DPP10: variants seen among roughly 807,000 people sequenced by gnomAD.
The protein encoded by DPP10 is inactive dipeptidyl peptidase 10.
A neutral mutation model predicts 120.9 loss-of-function variants in DPP10; 33 were observed. That is an observed-to-expected ratio of 0.27 (90% CI 0.21 to 0.37). The LOEUF (loss-of-function observed/expected upper bound fraction) is 0.37. DPP10 is among the 10% of genes least tolerant of loss of function. The pLI is 1.00. For synonymous variants in DPP10, 337 were observed against 326.1 expected (o/e 1.03, Z -0.36); for missense variants, 816 against 942.8 (o/e 0.87, Z 1.76).
chr2:114,631,839 C>T (rs1448577733), intron 1 of DPP10, among the ~76,000 whole-genome samples: 1 of 152,104 alleles, frequency 6.6e-6, no homozygotes, highest in Non-Finnish European at 1.5e-5. Flanking sequence ...CCAAATGTTG[C>T]ACCAGTGTCT....
At chr2:115,840,946 C>T in intron 25 of DPP10, 123 bp downstream of exon 25, 4 of 746,898 alleles carry the variant, frequency 5.4e-6, no homozygotes, top group Non-Finnish European at 8.1e-6. Flanking sequence ...TTTTTAGTTA[C>T]CAAAGATTGT....
intron 1 of DPP10, among the ~76,000 whole-genome samples, chr2:115,016,341 T>C (rs1702634256): frequency 6.6e-6 from 1 of 152,096 alleles, no homozygotes; most frequent in Non-Finnish European, 1.5e-5. Flanking sequence ...TTACACCTCA[T>C]ACATAAATTA....
chr2:115,605,764 C>G (rs2083665783), intron 5 of DPP10, among the ~76,000 whole-genome samples: 1 of 151,932 alleles, frequency 6.6e-6, no homozygotes. Context: ...CTTTTAAGCT[C>G]AAAATCAAAC....
intron 3 of DPP10, among the ~76,000 whole-genome samples, chr2:115,382,591 G>A (rs914273875): frequency 6.6e-6 from 1 of 151,992 alleles, no homozygotes. Flanking sequence ...TCTCTTTCCA[G>A]TGCTATCTCT....
At chr2:115,060,261 C>T (rs973957364) in intron 1 of DPP10, among the ~76,000 whole-genome samples, 1 of 150,412 alleles carries the variant, frequency 6.6e-6, no homozygotes, top group African/African-American at 2.4e-5. Flanking sequence ...ATAATATATG[C>T]ATGTGATAGA....
chr2:115,629,201 A>C (rs911716771), intron 5 of DPP10, among the ~76,000 whole-genome samples: 1 of 152,102 alleles, frequency 6.6e-6, no homozygotes, highest in Admixed American at 6.6e-5. Context: ...ACATTTTCTT[A>C]ATCCAGTCTA....
At position 115,381,976 on chromosome 2, in the gene DPP10, T is replaced by G. The variant is rs537149335; in HGVS notation, c.271+38064T>G. 5.7e-4 allele frequency among the ~76,000 whole-genome samples: 87 copies of G among 152,270 alleles called. No homozygotes were observed. The East Asian group carries it at 7.8e-3, about 14-fold the overall frequency. ...TTCAAAGCTGTCAGACAGGGACATT[T>G]ACGTCTGCAGAGGTTACTGCTGTCT... On this transcript the variant is annotated intron_variant, in intron 3 of 25. Transcript: ENST00000410059.
Position 114,645,848 on chromosome 2 carries a change from C to T in DPP10, c.60+203010C>T, listed in dbSNP as rs555944897. ...TATCTTCTTGACTCCAAATGAACCT[C>T]CAGGCCTTCTTAGAAAAGCTGAAAG... On this transcript the variant is annotated intron_variant, in intron 1 of 25. Coordinates refer to ENST00000410059, the MANE Select transcript of DPP10 (RefSeq NM_020868.6). Among the ~76,000 whole-genome samples the T allele has an allele frequency of 7.2e-5, 11 of 152,230 alleles. No homozygotes were observed. In the South Asian group the frequency reaches 2.3e-3, roughly 32 times the overall value.
intron 3 of DPP10, among the ~76,000 whole-genome samples, chr2:115,370,351 A>T (rs1403484868): frequency 2.0e-5 from 3 of 152,080 alleles, no homozygotes; most frequent in Non-Finnish European, 2.9e-5. Flanking sequence ...GTAATTGATC[A>T]TATTAGGATG....
intron 1 of DPP10, among the ~76,000 whole-genome samples, chr2:115,126,196 G>T (rs1435165201): frequency 6.6e-6 from 1 of 152,128 alleles, no homozygotes; most frequent in East Asian, 1.9e-4. Context: ...TTGGCTCACT[G>T]CAACCTCTGC....
intron 1 of DPP10, among the ~76,000 whole-genome samples, chr2:114,531,282 T>C (rs956004737): frequency 2.0e-5 from 3 of 152,078 alleles, no homozygotes; most frequent in African/African-American, 7.2e-5. Flanking sequence ...GAGTCACTCA[T>C]AGAAGTCTTT....
At chr2:115,417,042 T>G (rs1553593561) in intron 3 of DPP10, among the ~76,000 whole-genome samples, 1 of 152,160 alleles carries the variant, frequency 6.6e-6, no homozygotes, top group Non-Finnish European at 1.5e-5. Flanking sequence ...GGGAGTCAAA[T>G]TCTGTTATTT....
At chr2:115,227,791 G>A (rs917227488) in intron 1 of DPP10, among the ~76,000 whole-genome samples, 41 of 152,064 alleles carry the variant, frequency 2.7e-4, no homozygotes, top group African/African-American at 9.9e-4. Flanking sequence ...ATATGGATAT[G>A]CCATAGTTTG....
chr2:115,649,487 T>C (rs1028385651), intron 5 of DPP10, among the ~76,000 whole-genome samples: 1 of 152,150 alleles, frequency 6.6e-6, no homozygotes. Context: ...TGATGATTTG[T>C]ACATAATTAT....
chr2:115,493,011 A>G (rs968263208), intron 3 of DPP10, among the ~76,000 whole-genome samples: 1 of 152,170 alleles, frequency 6.6e-6, no homozygotes, highest in Non-Finnish European at 1.5e-5. Context: ...GAAGTTTTAC[A>G]TATGTGGAGA....
chr2:114,957,342 T>C (rs1448736683), intron 1 of DPP10, among the ~76,000 whole-genome samples: 1 of 152,024 alleles, frequency 6.6e-6, no homozygotes, highest in Non-Finnish European at 1.5e-5. Flanking sequence ...TTGTAATATA[T>C]TACAAAATTC....
At chr2:115,424,007 C>A (rs557490027) in intron 3 of DPP10, among the ~76,000 whole-genome samples, 1 of 152,146 alleles carries the variant, frequency 6.6e-6, no homozygotes, top group Admixed American at 6.5e-5. Flanking sequence ...AGGATCTGAT[C>A]ATTCAGCATT....
rs146884228 is a variant in DPP10, at chr2:115,253,617, C to T, written c.61-55622C>T. ...AAAGAAAGGGGCCCTAGGTCCCATG[C>T]GAGTTTGAAACCTGGCAGGACAGTC... On this transcript the variant is annotated intron_variant, in intron 1 of 25. Coordinates refer to ENST00000410059, the MANE Select transcript of DPP10 (RefSeq NM_020868.6). Among the ~76,000 whole-genome samples, 29 of 152,328 alleles carry T rather than the reference C, an allele frequency of 1.9e-4. No homozygotes were observed. In the East Asian group the frequency reaches 2.9e-3, roughly 15 times the overall value.
At chr2:115,785,539 C>T (rs952612752) in intron 17 of DPP10, among the ~76,000 whole-genome samples, 1 of 152,124 alleles carries the variant, frequency 6.6e-6, no homozygotes, top group African/African-American at 2.4e-5. Context: ...TTCAGGGTTT[C>T]AATTTCTCCC....
Sources: gnomAD v4.1 joint callset for allele counts (sites outside exome capture counted in the v4.1 genomes callset) on GRCh38, gnomAD v4.1.1 for gene constraint, MANE v1.5 for transcripts, NCBI Gene and HGNC (gene_info 2026-07-23, HGNC 2026-07-21) for gene names.